The following NAB1 variants were observed in gnomAD, a reference collection of about 807,000 sequenced individuals.
NAB1 encodes the protein NGFI-A-binding protein 1.
A neutral mutation model predicts 49.9 loss-of-function variants in NAB1; 25 were observed. The ratio of observed to expected loss-of-function variants is 0.50; its 90% CI spans 0.37 to 0.70. The LOEUF (loss-of-function observed/expected upper bound fraction) is 0.70. Ranked by LOEUF, NAB1 falls within the 30% of genes least tolerant of loss-of-function variation. The probability of loss-of-function intolerance (pLI) is 0.00; values close to 1 mark genes in which losing one functional copy is unlikely to be tolerated. For missense variants in NAB1, 489 were observed against 575.9 expected, an observed-to-expected ratio of 0.85 and a Z score of 1.54; for synonymous variants, 198 against 215.6, an observed-to-expected ratio of 0.92 and a Z score of 0.71.
Position 190,687,253 on chromosome 2 carries a change from T to A in NAB1, c.1311T>A (p.His437Gln), listed in dbSNP as rs1225386199. 5.6e-6 allele frequency: 9 copies of A among 1,599,606 alleles called. No individual in the cohort carries two copies. Among genetic ancestry groups the A allele is most frequent in the South Asian group, 1.1e-5 (1 of 87,884 alleles). ...CTAATTTACAGAACAGACAACCCCA[T>A]CATTTTGTGGTGGATGGGGAGCTGA... ...RMPNLQNRQP[H>Q]HFVVDGELSR... The change falls in exon 9 of 10, where the codon CAT (histidine) becomes CAA (glutamine). Residue 437 changes from histidine (H) to glutamine (Q), a missense_variant. By Grantham distance (24) the His-to-Gln change is conservative. Coordinates refer to ENST00000337386, the MANE Select transcript of NAB1 (RefSeq NM_005966.4).
chr2:190,653,172 G>A (rs1693753235), intron 2 of NAB1, among the ~76,000 whole-genome samples: 1 of 152,034 alleles, frequency 6.6e-6, no homozygotes, highest in Non-Finnish European at 1.5e-5. Context: ...CTTCTCTCAG[G>A]CCCCTGTACC....
rs1185215573 is a variant in NAB1 at position 190,683,770 on chromosome 2, A to G, written c.1038A>G (p.Gln346=). The G allele has an allele frequency of 6.2e-7, 1 of 1,613,822 alleles. No individual in the cohort carries two copies. The highest frequency in any genetic ancestry group is 1.7e-5 in the Admixed American group (1 of 59,974). Residue 346 remains glutamine, a synonymous_variant, in exon 7 of 10, where the codon CAA becomes CAG. Coordinates refer to ENST00000337386, the MANE Select transcript of NAB1 (RefSeq NM_005966.4). ...TTCCAGATTTCCAGGATTCTGTGCA[A>G]ACACTCTTCCAGCAGGCTAGAGCTA... ...DGFPDFQDSV[Q]TLFQQARAKS... is the part of the protein sequence containing the mutation.
chr2:190,681,055 CAT>C (rs1337203233), intron 6 of NAB1, among the ~76,000 whole-genome samples: 4 of 152,068 alleles, frequency 2.6e-5, no homozygotes, highest in African/African-American at 9.7e-5. Context: ...CTCTGCAAGT[CAT>C]ATAGTTAAAG....
rs192004964 is a variant in NAB1 at position 190,689,923 on chromosome 2, G to A, written c.1376-322G>A. On this transcript the variant is annotated intron_variant, in intron 9 of 9. Transcript: ENST00000337386. This position sits in a 1 kb window ranked among gnomAD's most constrained non-coding sequence, Gnocchi z 4.3. ...ATGTGCATTTCATTATTTAACTTTC[G>A]TGCCACTTTATGTAGATACTATTCC... Among the ~76,000 whole-genome samples the A allele has an allele frequency of 2.9e-4, 31 of 108,152 alleles. No homozygotes were observed. Among genetic ancestry groups the A allele is most frequent in the Admixed American group, 8.9e-4 (10 of 11,290 alleles). The allele number at this position is 108,152 out of a possible 152,430, so 71.0% of individuals were successfully genotyped here. A position where few individuals can be genotyped will look rare whatever the true frequency, so the allele number is the denominator to read the frequency against.
chr2:190,659,898 A>G lies in NAB1; in HGVS notation c.722A>G (p.Asp241Gly). 1.2e-6 allele frequency: 2 copies of G among 1,614,212 alleles called. No homozygotes were observed. The highest frequency in any genetic ancestry group is 1.3e-5 in the African/African-American group (1 of 75,056). Residue 241 changes from aspartate (D) to glycine (G), a missense_variant, in exon 4 of 10, where the codon GAT becomes GGT. Physicochemically the swap from Asp to Gly is moderately conservative, Grantham distance 94. Transcript: ENST00000337386. This position sits in a 1 kb window ranked among gnomAD's most constrained non-coding sequence, Gnocchi z 6.2. The part of the protein sequence containing the change: ...MIGHIFEMND[D>G]DPHKEEEIRK... The stretch of plus-strand genomic sequence containing the variant: ...GGTCACATCTTTGAGATGAACGATG[A>G]TGATCCACACAAAGAGGAGGAAATT...
In NAB1 at chr2:190,654,270, G is replaced by A. The variant is rs1693811936; in HGVS notation, c.-196-1707G>A. 6.6e-6 allele frequency among the ~76,000 whole-genome samples: 1 copy of A among 152,198 alleles called. No homozygotes were observed. The highest frequency in any genetic ancestry group is 1.5e-5 in the Non-Finnish European group (1 of 68,044). The stretch of plus-strand genomic sequence containing the variant: ...ACAGCTGCACAGCATTTACCACATT[G>A]TTTAAGTCTCTGCTTCTTGTCTCTC... On this transcript the variant is annotated intron_variant, in intron 2 of 9. Transcript: ENST00000337386. This position sits in a 1 kb window ranked among gnomAD's most constrained non-coding sequence, Gnocchi z 5.6.
At chr2:190,668,543 C>T (rs146936635) in intron 4 of NAB1, among the ~76,000 whole-genome samples, 176 of 151,872 alleles carry the variant, frequency 1.2e-3, no homozygotes, top group African/African-American at 3.6e-3. Flanking sequence ...CTTAATACAT[C>T]GGTAGAAATG....
chr2:190,665,353 G>C (rs375816704), intron 4 of NAB1, among the ~76,000 whole-genome samples: 47 of 151,732 alleles, frequency 3.1e-4, no homozygotes, highest in African/African-American at 1.1e-3. Context: ...TGGTTATTCT[G>C]CTATTTATTG....
chr2:190,659,909 A>G lies in NAB1; in HGVS notation c.733A>G (p.Lys245Glu). The stretch of plus-strand genomic sequence containing the variant: ...TGAGATGAACGATGATGATCCACAC[A>G]AAGAGGAGGAAATTCGGAAATACAG... Reference protein sequence around the residue: ...IFEMNDDDPHKEEEIRKYSAI... With the variant: ...IFEMNDDDPHEEEEIRKYSAI... The change falls in exon 4 of 10, where the codon AAA becomes GAA. Residue 245 changes from lysine (K) to glutamate (E), a missense_variant. By Grantham distance (56) the Lys-to-Glu change is moderately conservative (BLOSUM62 1). Around this residue, in one of 4 missense-constraint regions of NAB1, gnomAD observed 204 missense variants for 220.9 expected, o/e 0.92. Transcript: ENST00000337386. The surrounding 1 kb of genome is among the most constrained non-coding windows in gnomAD (Gnocchi z 6.2). 6.2e-7 allele frequency: 1 copy of G among 1,614,252 alleles called. No homozygotes were observed. The highest frequency in any genetic ancestry group is 8.5e-7 in the Non-Finnish European group (1 of 1,180,040).
Position 190,654,763 on chromosome 2 carries a change from G to T in NAB1, c.-196-1214G>T, listed in dbSNP as rs1220137915. On this transcript the variant is annotated intron_variant, in intron 2 of 9. Transcript: ENST00000337386. This position sits in a 1 kb window ranked among gnomAD's most constrained non-coding sequence, Gnocchi z 5.6. ...TTGGGGCAAGAAGCAATGAACACTA[G>T]AATTTGGTGCTTTTGAGGCAGAGAA... 6.6e-6 allele frequency among the ~76,000 whole-genome samples: 1 copy of T among 152,196 alleles called. No homozygotes were observed. The highest frequency in any genetic ancestry group is 1.5e-5 in the Non-Finnish European group (1 of 68,040).
rs1011270271 is a variant in NAB1 at position 190,669,064 on chromosome 2, A to T, written c.820-1262A>T. Among the ~76,000 whole-genome samples the T allele has an allele frequency of 5.3e-5, 8 of 152,234 alleles. No homozygotes were observed. Among genetic ancestry groups the T allele is most frequent in the African/African-American group, 1.9e-4 (8 of 41,462 alleles). ...AATATGAGCACTGAGATATCAGAAG[A>T]GTCCATCTGTTGACTGAGATGGCCA... On this transcript the variant is annotated intron_variant, in intron 4 of 9. Coordinates refer to ENST00000337386, the MANE Select transcript of NAB1 (RefSeq NM_005966.4). The surrounding 1 kb of genome is among the most constrained non-coding windows in gnomAD (Gnocchi z 4.3).
At chr2:190,664,483 C>CA (rs1173513589) in intron 4 of NAB1, among the ~76,000 whole-genome samples, 1 of 151,164 alleles carries the variant, frequency 6.6e-6, no homozygotes, top group African/African-American at 2.4e-5. Context: ...GCTGGGACCA[C>CA]AGGCATGTGC....
rs1694733386 is a variant in NAB1 at position 190,670,199 on chromosome 2, T to C, written c.820-127T>C. 2 of 929,272 alleles carry C rather than the reference T, an allele frequency of 2.2e-6. No homozygotes were observed. The highest frequency in any genetic ancestry group is 2.8e-5 in the East Asian group (1 of 35,246). The allele number at this position is 929,272 out of a possible 1,614,324, so 57.6% of individuals were successfully genotyped here. A position where few individuals can be genotyped will look rare whatever the true frequency, so the allele number is the denominator to read the frequency against. On this transcript the variant is annotated intron_variant, in intron 4 of 9. Transcript: ENST00000337386. The surrounding 1 kb of genome is among the most constrained non-coding windows in gnomAD (Gnocchi z 5.3). ...TAGGAATAATTAGGAATAAATACCA[T>C]TCTGATTTTTATGAATAATGATTCC... is the stretch of plus-strand genomic sequence containing the variant.
At chr2:190,690,011 T>TACATATATGTATA (rs1559258244) in intron 9 of NAB1, among the ~76,000 whole-genome samples, 2 of 1,696 alleles carry the variant, frequency 1.2e-3, no homozygotes, top group Non-Finnish European at 1.6e-3. Flanking sequence ...GATGTATACA[T>TACATATATGTATA]CTATACATAT....
At chr2:190,664,279 A>G (rs1218902967) in intron 4 of NAB1, among the ~76,000 whole-genome samples, 1 of 150,544 alleles carries the variant, frequency 6.6e-6, no homozygotes, top group East Asian at 1.9e-4. Context: ...TTAGAAAGCT[A>G]TTTTCTTTAA....
In NAB1 at chr2:190,659,186, G is replaced by A; in HGVS notation, c.10G>A (p.Ala4Thr). The A allele has an allele frequency of 2.5e-6, 4 of 1,612,266 alleles. No homozygotes were observed. The highest frequency in any genetic ancestry group is 3.4e-6 in the Non-Finnish European group (4 of 1,178,994). Residue 4 changes from alanine (A) to threonine (T), a missense_variant, in exon 4 of 10, where the codon GCC (alanine) becomes ACC (threonine). Ala to Thr is a moderately conservative substitution (Grantham distance 58). This residue lies in a region of NAB1 where 35 missense variants were observed against 85.6 expected (regional missense o/e 0.41). Transcript: ENST00000337386. The surrounding 1 kb of genome is among the most constrained non-coding windows in gnomAD (Gnocchi z 6.2). MAA[A>T]LPRTLGELQL... ...AAACCCATCCAGAGTAATGGCTGCG[G>A]CCTTACCCAGGACCCTGGGGGAGTT...
rs1392125917 is a variant in NAB1 at position 190,670,720 on chromosome 2, TACAC to T, written c.953+266_953+269del. Among the ~76,000 whole-genome samples the T allele has an allele frequency of 6.6e-6, 1 of 152,226 alleles. No individual in the cohort carries two copies. Among genetic ancestry groups the T allele is most frequent in the African/African-American group, 2.4e-5 (1 of 41,456 alleles). On this transcript the variant is annotated intron_variant, in intron 5 of 9. Transcript: ENST00000337386. This position sits in a 1 kb window ranked among gnomAD's most constrained non-coding sequence, Gnocchi z 5.3. Reference sequence around the variant, plus strand: ...AGTGGTTTTAAACATTCTTCTCTCATACACACACTTTGGTTTTGAGTGTGACGAG... The same window carrying T: ...AGTGGTTTTAAACATTCTTCTCTCATACACTTTGGTTTTGAGTGTGACGAG...
At chr2:190,660,045 G>C in intron 4 of NAB1, 50 bp downstream of exon 4, 1 of 1,510,766 alleles carries the variant, frequency 6.6e-7, no homozygotes, top group African/African-American at 1.4e-5. Flanking sequence ...CATGTTGCTA[G>C]TCGTTAGAGA....
At position 190,676,769 on chromosome 2, in the gene NAB1, G is replaced by T. The variant is rs1459831738; in HGVS notation, c.1005+3617G>T. ...AGTGTAACAGATTTCTAATTACAAG[G>T]CCCAAACTAATGAGACAAGTTTTTC... On this transcript the variant is annotated intron_variant, in intron 6 of 9. Transcript: ENST00000337386. This position sits in a 1 kb window ranked among gnomAD's most constrained non-coding sequence, Gnocchi z 4.6. 6.6e-6 allele frequency among the ~76,000 whole-genome samples: 1 copy of T among 152,114 alleles called. No homozygotes were observed. The highest frequency in any genetic ancestry group is 2.4e-5 in the African/African-American group (1 of 41,420).
Sources: gnomAD v4.1 joint callset for allele counts (sites outside exome capture counted in the v4.1 genomes callset) on GRCh38, gnomAD v4.1.1 for gene constraint, gnomAD v4.1.1 regional missense constraint, Gnocchi (gnomAD v3.1) non-coding constraint, MANE v1.5 for transcripts, NCBI Gene and HGNC (gene_info 2026-07-23, HGNC 2026-07-21) for gene names.